Variants in CNTN1 observed in about 807,000 individuals in gnomAD.
CNTN1 encodes the protein contactin-1.
A neutral mutation model predicts 126.4 loss-of-function variants in CNTN1; 38 were observed. The observed-to-expected ratio is 0.30, with a 90% CI of 0.23 to 0.39. CNTN1 has a LOEUF of 0.39. CNTN1 is among the 10% of genes least tolerant of loss of function. CNTN1 has a pLI of 1.00. For synonymous variants in CNTN1, 413 were observed against 422.6 expected, an observed-to-expected ratio of 0.98 and a Z score of 0.28; for missense variants, 1,009 against 1,248.4, an observed-to-expected ratio of 0.81 and a Z score of 2.89.
intron 21 of CNTN1, 35 bp downstream of exon 21, chr12:41,025,371 A>T: frequency 6.3e-7 from 1 of 1,594,156 alleles, no homozygotes; most frequent in Non-Finnish European, 8.6e-7. Context: ...ACTTGTCAAA[A>T]ACTACCACTG....
intron 1 of CNTN1, among the ~76,000 whole-genome samples, chr12:40,720,672 T>C (rs1213750709): frequency 6.6e-6 from 1 of 152,134 alleles, no homozygotes; most frequent in East Asian, 1.9e-4. Context: ...CTCATGTCTG[T>C]AATCCCAGTA....
intron 17 of CNTN1, chr12:41,005,070 G>A (rs1159674357): frequency 6.6e-6 from 1 of 152,166 alleles, no homozygotes; most frequent in Non-Finnish European, 1.5e-5. Context: ...TCTGGTGCTG[G>A]TCTTTCCTTT....
intron 23 of CNTN1, among the ~76,000 whole-genome samples, chr12:41,061,600 C>T (rs1949939996): frequency 6.6e-6 from 1 of 152,140 alleles, no homozygotes; most frequent in South Asian, 2.1e-4. Flanking sequence ...CTAATATCAA[C>T]TTTGATTAGC....
chr12:41,017,406 G>A (rs1255074432), intron 19 of CNTN1, among the ~76,000 whole-genome samples: 1 of 148,220 alleles, frequency 6.7e-6, no homozygotes, highest in Non-Finnish European at 1.5e-5. Context: ...AAAAATTTCT[G>A]TAATGTATAT....
At chr12:41,024,951 G>A (rs147069873) in intron 20 of CNTN1, among the ~76,000 whole-genome samples, 199 bp from the exon 21 acceptor site, 42 of 151,706 alleles carry the variant, frequency 2.8e-4, no homozygotes, top group African/African-American at 8.2e-4. Context: ...ACTTTGATTC[G>A]CTTTTGGCAT....
At chr12:40,693,083 G>C (rs1201713181) in intron 1 of CNTN1, among the ~76,000 whole-genome samples, 2 of 152,238 alleles carry the variant, frequency 1.3e-5, no homozygotes, top group African/African-American at 4.8e-5. Flanking sequence ...GTTGCGGAGA[G>C]GGGAGGAAGC....
At chr12:40,694,635 T>C (rs1941401316) in intron 1 of CNTN1, among the ~76,000 whole-genome samples, 1 of 152,246 alleles carries the variant, frequency 6.6e-6, no homozygotes, top group African/African-American at 2.4e-5. Flanking sequence ...CATGTATCCC[T>C]ACAAAATTTA....
At chr12:40,936,639 G>C in intron 9 of CNTN1, 142 bp from the exon 10 acceptor site, 1 of 950,164 alleles carries the variant, frequency 1.1e-6, no homozygotes, top group Admixed American at 1.9e-5. Flanking sequence ...GCAAAGACAA[G>C]GCCTATTACT....
intron 1 of CNTN1, among the ~76,000 whole-genome samples, chr12:40,904,143 C>CGAGTA (rs1343921881): frequency 2.0e-5 from 3 of 152,116 alleles, no homozygotes; most frequent in Admixed American, 6.5e-5. Context: ...CTCAGCCTCC[C>CGAGTA]GAGTAGCTGG....
At chr12:41,036,719 A>G (rs372308006) in intron 23 of CNTN1, among the ~76,000 whole-genome samples, 1 of 152,164 alleles carries the variant, frequency 6.6e-6, no homozygotes, top group African/African-American at 2.4e-5. Flanking sequence ...CAGTATTATG[A>G]TAACCTCATA....
At chr12:41,061,781 GA>G (rs1039304310) in intron 23 of CNTN1, 36 of 455,698 alleles carry the variant, frequency 7.9e-5, no homozygotes, top group African/African-American at 7.0e-4. Flanking sequence ...CCACATCCTT[GA>G]GAAGTAAAAC....
At chr12:40,773,914 G>A (rs974537753) in intron 1 of CNTN1, among the ~76,000 whole-genome samples, 3 of 151,136 alleles carry the variant, frequency 2.0e-5, no homozygotes, top group Non-Finnish European at 3.0e-5. Flanking sequence ...ATATGATCTC[G>A]TCAAATGCAA....
chr12:40,958,950 T>C (rs1160527313), intron 14 of CNTN1, among the ~76,000 whole-genome samples, 164 bp from the exon 15 acceptor site: 2 of 152,080 alleles, frequency 1.3e-5, no homozygotes, highest in East Asian at 1.9e-4. Context: ...ATTTTTCAGT[T>C]GAGAAACTGA....
chr12:40,997,479 C>A (rs576542628), intron 17 of CNTN1, among the ~76,000 whole-genome samples: 36 of 152,170 alleles, frequency 2.4e-4, no homozygotes, highest in East Asian at 2.1e-3. Flanking sequence ...CTTTTTCACA[C>A]ATATTTGATA....
At chr12:41,010,950 T>A (rs1948637285) in intron 17 of CNTN1, among the ~76,000 whole-genome samples, 2 of 152,172 alleles carry the variant, frequency 1.3e-5, no homozygotes, top group Admixed American at 1.3e-4. Flanking sequence ...CCTTTTTCCT[T>A]TTTAATCTAC....
At chr12:40,722,376 G>T (rs1211758842) in intron 1 of CNTN1, among the ~76,000 whole-genome samples, 1 of 152,112 alleles carries the variant, frequency 6.6e-6, no homozygotes, top group African/African-American at 2.4e-5. Flanking sequence ...TTCCAAACAT[G>T]TATATACACA....
intron 1 of CNTN1, among the ~76,000 whole-genome samples, chr12:40,776,446 G>T (rs997966700): frequency 6.6e-6 from 1 of 151,410 alleles, no homozygotes; most frequent in Non-Finnish European, 1.5e-5. Flanking sequence ...AGCCATTATT[G>T]ATTTGTGACT....
At chr12:40,849,994 G>C (rs1942660488) in intron 1 of CNTN1, among the ~76,000 whole-genome samples, 1 of 151,442 alleles carries the variant, frequency 6.6e-6, no homozygotes, top group Non-Finnish European at 1.5e-5. Context: ...TATATATGTG[G>C]GTACTATACA....
At chr12:40,973,535 A>G (rs918259440) in intron 15 of CNTN1, among the ~76,000 whole-genome samples, 1 of 152,158 alleles carries the variant, frequency 6.6e-6, no homozygotes, top group South Asian at 2.1e-4. Context: ...TTGTTTTGGT[A>G]AAAATAAACA....
Sources: gnomAD v4.1 joint callset for allele counts (sites outside exome capture counted in the v4.1 genomes callset) on GRCh38, gnomAD v4.1.1 for gene constraint, MANE v1.5 for transcripts, NCBI Gene and HGNC (gene_info 2026-07-23, HGNC 2026-07-21) for gene names.